ENTREP2: variants seen among roughly 807,000 people sequenced by gnomAD.
ENTREP2 encodes endosomal transmembrane epsin interactor 2, also known as protein ENTREP2.
chr15:29,412,780 T>C, the ENTREP2 span, among the ~76,000 whole-genome samples: 5 of 152,124 alleles, frequency 3.3e-5, no homozygotes, highest in African/African-American at 1.2e-4. Context: ...GCTATGTTTA[T>C]CCTCTTTATT....
the ENTREP2 span, among the ~76,000 whole-genome samples, chr15:29,161,859 G>A: frequency 6.6e-6 from 1 of 152,132 alleles, no homozygotes; most frequent in Admixed American, 6.5e-5. Context: ...AATGTGCAGA[G>A]GCTTGCATTG....
the ENTREP2 span, among the ~76,000 whole-genome samples, chr15:29,229,992 C>G: frequency 3.9e-5 from 6 of 152,044 alleles, no homozygotes; most frequent in Admixed American, 3.9e-4. Context: ...ACCTTCTTCT[C>G]CCCTCAAATC....
At chr15:29,157,012 G>A in the ENTREP2 span, among the ~76,000 whole-genome samples, 1 of 152,174 alleles carries the variant, frequency 6.6e-6, no homozygotes, top group African/African-American at 2.4e-5. Flanking sequence ...CAGGAGAATC[G>A]GTTGAACCTG....
At chr15:29,646,319 G>A in the ENTREP2 span, among the ~76,000 whole-genome samples, 3 of 152,136 alleles carry the variant, frequency 2.0e-5, no homozygotes, top group African/African-American at 7.2e-5. Context: ...GGGCCAGGCT[G>A]GGTTTTTATC....
chr15:29,560,056 G>A, the ENTREP2 span, among the ~76,000 whole-genome samples: 3 of 152,198 alleles, frequency 2.0e-5, no homozygotes, highest in African/African-American at 2.4e-5. Context: ...GAAATTGAGA[G>A]GACAAGAGCA....
the ENTREP2 span, among the ~76,000 whole-genome samples, chr15:29,487,668 C>G: frequency 6.6e-6 from 1 of 152,202 alleles, no homozygotes; most frequent in Non-Finnish European, 1.5e-5. Context: ...AGAGTTACCT[C>G]TGTTTAATAT....
chr15:29,300,452 ATGT>A, the ENTREP2 span, among the ~76,000 whole-genome samples: 1 of 144,016 alleles, frequency 6.9e-6, no homozygotes, highest in Non-Finnish European at 1.5e-5. Context: ...GGATGGATGG[ATGT>A]TGAGGCATGG....
chr15:29,256,053 G>A, the ENTREP2 span, among the ~76,000 whole-genome samples: 5 of 150,350 alleles, frequency 3.3e-5, no homozygotes, highest in Non-Finnish European at 7.4e-5. Context: ...TAACATGGAT[G>A]TAGCTGGAGT....
the ENTREP2 span, among the ~76,000 whole-genome samples, chr15:29,504,965 T>G: frequency 6.6e-6 from 1 of 152,234 alleles, no homozygotes; most frequent in Non-Finnish European, 1.5e-5. Context: ...GTGCAAAGAT[T>G]TTGATACAAG....
the ENTREP2 span, among the ~76,000 whole-genome samples, chr15:29,144,433 A>G: frequency 6.6e-6 from 1 of 152,204 alleles, no homozygotes; most frequent in Non-Finnish European, 1.5e-5. Flanking sequence ...AACTCTATCA[A>G]ATATTTAAAG....
chr15:29,564,474 G>GT, the ENTREP2 span, among the ~76,000 whole-genome samples: 1 of 152,082 alleles, frequency 6.6e-6, no homozygotes, highest in African/African-American at 2.4e-5. Flanking sequence ...TCTGCTCAAG[G>GT]TGAGGTGCTT....
chr15:29,598,276 C>T, the ENTREP2 span, among the ~76,000 whole-genome samples: 15 of 152,088 alleles, frequency 9.9e-5, no homozygotes, highest in Admixed American at 1.3e-4. Flanking sequence ...TTTGGATGTC[C>T]GCCATTCTAG....
the ENTREP2 span, among the ~76,000 whole-genome samples, chr15:29,477,736 C>A: frequency 6.6e-6 from 1 of 151,986 alleles, no homozygotes. Context: ...ACCATGCCCA[C>A]CCCATACACA....
the ENTREP2 span, among the ~76,000 whole-genome samples, chr15:29,231,016 T>C: frequency 0.024 from 3,594 of 152,088 alleles, 144 homozygotes; most frequent in African/African-American, 0.082. Context: ...GAGAGAAAAA[T>C]GGTGGTGGGC....
At chr15:29,329,453 C>G in the ENTREP2 span, among the ~76,000 whole-genome samples, 2 of 152,028 alleles carry the variant, frequency 1.3e-5, no homozygotes. Flanking sequence ...ACTGAAACCA[C>G]GGAAATGAAA....
the ENTREP2 span, among the ~76,000 whole-genome samples, chr15:29,179,855 G>A: frequency 6.6e-6 from 1 of 152,068 alleles, no homozygotes; most frequent in South Asian, 2.1e-4. Flanking sequence ...AAAGCGCTGC[G>A]ATTACAGGCG....
At chr15:29,622,056 C>T in the ENTREP2 span, among the ~76,000 whole-genome samples, 1 of 151,986 alleles carries the variant, frequency 6.6e-6, no homozygotes, top group Non-Finnish European at 1.5e-5. Context: ...TTGCCAGGGG[C>T]CATGCAGTGG....
the ENTREP2 span, among the ~76,000 whole-genome samples, chr15:29,369,589 T>G: frequency 8.4e-6 from 1 of 119,256 alleles, no homozygotes; most frequent in Non-Finnish European, 1.6e-5. Flanking sequence ...TAGGCTGAAA[T>G]TAAACACACA....
At chr15:29,317,524 A>G in the ENTREP2 span, among the ~76,000 whole-genome samples, 8 of 152,220 alleles carry the variant, frequency 5.3e-5, no homozygotes, top group South Asian at 1.7e-3. Context: ...CAAAGACTCA[A>G]TCAAATTCAA....
Sources: allele counts gnomAD v4.1 joint callset (sites outside exome capture counted in the v4.1 genomes callset), GRCh38; gene constraint gnomAD v4.1.1; transcripts MANE v1.5; gene names NCBI Gene and HGNC (gene_info 2026-07-23, HGNC 2026-07-21).